Variants in PTPRN2 observed in about 807,000 individuals in gnomAD.
The protein encoded by PTPRN2 is receptor-type tyrosine-protein phosphatase N2.
PTPRN2 carries 74 observed loss-of-function variants against 118.8 expected under a neutral mutation model. The ratio of observed to expected loss-of-function variants is 0.62; its 90% CI spans 0.52 to 0.76. The LOEUF is 0.76. PTPRN2 is among the 30% of genes least tolerant of loss of function. The pLI, the probability that PTPRN2 is intolerant of heterozygous loss-of-function variation, is 0.00. For missense variants in PTPRN2, 1,481 were observed against 1,394.4 expected (o/e 1.06, Z -0.99); for synonymous variants, 641 against 608.0 (o/e 1.05, Z -0.80).
chr7:158,008,808 C>A (rs1805844936), intron 11 of PTPRN2, among the ~76,000 whole-genome samples: 1 of 152,194 alleles, frequency 6.6e-6, no homozygotes, highest in African/African-American at 2.4e-5. Context: ...ACGTGTCTGT[C>A]TTTCTCATGG....
intron 4 of PTPRN2, among the ~76,000 whole-genome samples, chr7:158,201,137 AT>A (rs1256681466): frequency 6.6e-6 from 1 of 151,964 alleles, no homozygotes; most frequent in East Asian, 1.9e-4. Context: ...TGCAGCCTCA[AT>A]CCCCCGGGCT....
chr7:158,306,781 A>C (rs1408752169), intron 3 of PTPRN2, among the ~76,000 whole-genome samples: 1 of 152,190 alleles, frequency 6.6e-6, no homozygotes, highest in East Asian at 1.9e-4. Context: ...CCTCTTCCAC[A>C]GGAAAACAAT....
Position 157,929,399 on chromosome 7 carries a change from G to A in PTPRN2, c.1724-30662C>T, listed in dbSNP as rs1234136791. ...TCCTGCAGCACCGGGAGACCCTGGC[G>A]CGACTCCTGAGGGCTTCAGTCCTCG... On this transcript the variant is annotated intron_variant, in intron 11 of 22. Coordinates refer to ENST00000389418, the MANE Select transcript of PTPRN2 (RefSeq NM_002847.5). The surrounding 1 kb of genome is among the most constrained non-coding windows in gnomAD (Gnocchi z 4.4). Among the ~76,000 whole-genome samples the A allele has an allele frequency of 2.6e-5, 4 of 152,138 alleles. No individual in the cohort carries two copies. Among genetic ancestry groups the A allele is most frequent in the East Asian group, 1.9e-4 (1 of 5,148 alleles).
intron 21 of PTPRN2, among the ~76,000 whole-genome samples, chr7:157,566,603 G>T (rs1799497212): frequency 6.6e-6 from 1 of 152,188 alleles, no homozygotes; most frequent in Non-Finnish European, 1.5e-5. Context: ...TCTCAGAAAA[G>T]GCCCCAGGCC....
intron 3 of PTPRN2, among the ~76,000 whole-genome samples, chr7:158,257,059 A>T (rs1389140155): frequency 1.3e-5 from 2 of 152,314 alleles, no homozygotes; most frequent in Non-Finnish European, 2.9e-5. Context: ...CTGAGAGCCC[A>T]GTCAGATCCC....
chr7:158,464,560 TA>T (rs1331191818), intron 2 of PTPRN2, among the ~76,000 whole-genome samples: 3 of 150,996 alleles, frequency 2.0e-5, no homozygotes, highest in African/African-American at 7.3e-5. Context: ...TGCCATTTAG[TA>T]AGTAATCACT....
chr7:157,979,226 G>A (rs970576263), intron 11 of PTPRN2, among the ~76,000 whole-genome samples: 1 of 149,172 alleles, frequency 6.7e-6, no homozygotes, highest in Non-Finnish European at 1.5e-5. Flanking sequence ...AAAGAAAAAT[G>A]TTTTAAATGT....
intron 12 of PTPRN2, among the ~76,000 whole-genome samples, chr7:157,871,130 G>A (rs1811022004): frequency 6.6e-6 from 1 of 152,180 alleles, no homozygotes; most frequent in Admixed American, 6.5e-5. Context: ...CAAAGTTGAC[G>A]GTTCTGAACT....
Position 157,627,274 on chromosome 7 carries a change from TCAGTGCCTCTG to T in PTPRN2, c.2197-5776_2197-5766del, listed in dbSNP as rs1263093847. ...ACAGCTCCTTGCTCTGGGCTCTCCG[TCAGTGCCTCTG>T]AGTTGAAGCTTTATGAAGAAAGCTC... is the stretch of plus-strand genomic sequence containing the variant. On this transcript the variant is annotated intron_variant, in intron 14 of 22. Transcript: ENST00000389418. The surrounding 1 kb of genome is among the most constrained non-coding windows in gnomAD (Gnocchi z 4.2). 1.3e-5 allele frequency among the ~76,000 whole-genome samples: 2 copies of T among 152,308 alleles called. No homozygotes were observed. The highest frequency in any genetic ancestry group is 4.1e-4 in the South Asian group (2 of 4,828).
chr7:158,153,557 C>T (rs896290937), intron 6 of PTPRN2, among the ~76,000 whole-genome samples: 15 of 152,124 alleles, frequency 9.9e-5, no homozygotes, highest in Admixed American at 9.8e-4. Flanking sequence ...ACTGAAGAAG[C>T]GAGCCACTCC....
At chr7:157,561,809 G>A (rs1462484202) in intron 21 of PTPRN2, among the ~76,000 whole-genome samples, 1 of 152,226 alleles carries the variant, frequency 6.6e-6, no homozygotes. Context: ...CCTGTCTCTC[G>A]GCAGAGCAGG....
chr7:158,204,178 C>G (rs1271800990), intron 4 of PTPRN2, among the ~76,000 whole-genome samples: 1 of 149,984 alleles, frequency 6.7e-6, no homozygotes, highest in Non-Finnish European at 1.5e-5. Context: ...AAAGAAGCAG[C>G]CGCCGCCCTC....
intron 16 of PTPRN2, among the ~76,000 whole-genome samples, chr7:157,602,515 G>A (rs1320602818): frequency 1.3e-5 from 2 of 151,714 alleles, no homozygotes; most frequent in Non-Finnish European, 2.9e-5. Context: ...GCAGAGCCGA[G>A]AGCTGAGCAC....
In PTPRN2 at chr7:157,596,636, C is replaced by G. The variant is rs1801354970; in HGVS notation, c.2419-1321G>C. Among the ~76,000 whole-genome samples, 1 of 152,168 alleles carries G rather than the reference C, an allele frequency of 6.6e-6. No homozygotes were observed. Among genetic ancestry groups the G allele is most frequent in the South Asian group, 2.1e-4 (1 of 4,824 alleles). ...CACGAAGATACCAGGACATCACTAT[C>G]ATCCCCAGGGCTCACCAGCTCCTCC... On this transcript the variant is annotated intron_variant, in intron 16 of 22. Coordinates refer to ENST00000389418, the MANE Select transcript of PTPRN2 (RefSeq NM_002847.5). This position sits in a 1 kb window ranked among gnomAD's most constrained non-coding sequence, Gnocchi z 4.2.
In PTPRN2 at chr7:157,874,926, CAG is replaced by C. The variant is rs1393488122; in HGVS notation, c.1788+23745_1788+23746del. Reference sequence around the variant, plus strand: ...ATACACACACACTCATGCACATACACAGAGAAACACTTGTGCACGGAGACACA... The same window carrying C: ...ATACACACACACTCATGCACATACACAGAAACACTTGTGCACGGAGACACA... On this transcript the variant is annotated intron_variant, in intron 12 of 22. Transcript: ENST00000389418. The surrounding 1 kb of genome is among the most constrained non-coding windows in gnomAD (Gnocchi z 5.8). Among the ~76,000 whole-genome samples the C allele has an allele frequency of 1.3e-5, 2 of 152,126 alleles. No homozygotes were observed. The highest frequency in any genetic ancestry group is 4.8e-5 in the African/African-American group (2 of 41,426).
intron 2 of PTPRN2, among the ~76,000 whole-genome samples, chr7:158,422,976 C>T (rs919689041): frequency 2.6e-5 from 4 of 152,224 alleles, no homozygotes; most frequent in African/African-American, 9.6e-5. Flanking sequence ...GAGAGGGTGA[C>T]GATAGCCAAT....
At chr7:158,054,506 G>A (rs376912123) in intron 11 of PTPRN2, among the ~76,000 whole-genome samples, 19 of 152,238 alleles carry the variant, frequency 1.2e-4, no homozygotes, top group South Asian at 4.1e-4. Flanking sequence ...GAAACATGCC[G>A]TGAGATTATT....
At chr7:157,769,596 G>A (rs1165938719) in intron 12 of PTPRN2, among the ~76,000 whole-genome samples, 4 of 152,192 alleles carry the variant, frequency 2.6e-5, no homozygotes, top group Non-Finnish European at 5.9e-5. Flanking sequence ...GGTAGAAGAT[G>A]TTGGGCTTGG....
intron 11 of PTPRN2, among the ~76,000 whole-genome samples, chr7:157,941,249 T>G (rs1243458270): frequency 1.4e-5 from 1 of 72,216 alleles, no homozygotes; most frequent in Non-Finnish European, 2.2e-5. Flanking sequence ...ACCATGACAC[T>G]GCAAATCTAA....
Sources: allele counts gnomAD v4.1 joint callset (sites outside exome capture counted in the v4.1 genomes callset), GRCh38; gene constraint gnomAD v4.1.1; non-coding constraint Gnocchi (gnomAD v3.1); transcripts MANE v1.5; gene names NCBI Gene and HGNC (gene_info 2026-07-23, HGNC 2026-07-21).